KCNU1: variants seen among roughly 807,000 people sequenced by gnomAD.
KCNU1 encodes potassium calcium-activated channel subfamily U member 1, also known as potassium channel subfamily U member 1.
A neutral mutation model predicts 126.8 loss-of-function variants in KCNU1; 93 were observed. The ratio of observed to expected loss-of-function variants is 0.73; its 90% CI spans 0.62 to 0.87. The LOEUF (loss-of-function observed/expected upper bound fraction) is 0.87. Among genes scored for constraint, KCNU1 ranks in the 40% least tolerant of loss-of-function variants. KCNU1 has a pLI of 0.00. For missense variants in KCNU1, 1,330 were observed against 1,367.1 expected, an observed-to-expected ratio of 0.97 and a Z score of 0.43; for synonymous variants, 523 against 494.2, an observed-to-expected ratio of 1.06 and a Z score of -0.77.
Position 36,822,302 on chromosome 8 carries a change from C to T in KCNU1, c.1106+4542C>T, listed in dbSNP as rs867257630. 7.2e-5 allele frequency among the ~76,000 whole-genome samples: 11 copies of T among 151,748 alleles called. No individual in the cohort carries two copies. In the South Asian group the frequency reaches 1.9e-3, roughly 26 times the overall value. On this transcript the variant is annotated intron_variant, in intron 10 of 26. Transcript: ENST00000399881. Reference sequence around the variant, plus strand: ...ATGTTGGAGAATAAGGCCTATCCCACTGCCAGTCTTTCCAGCTAGCTCAGT... The same window carrying T: ...ATGTTGGAGAATAAGGCCTATCCCATTGCCAGTCTTTCCAGCTAGCTCAGT...
At chr8:36,860,421 G>A (rs533337829) in intron 18 of KCNU1, among the ~76,000 whole-genome samples, 1 of 152,030 alleles carries the variant, frequency 6.6e-6, no homozygotes, top group African/African-American at 2.4e-5. Flanking sequence ...CACCAGTAGG[G>A]CTAAGCCTTC....
chr8:36,833,736 A>T (rs531644778), intron 11 of KCNU1, 77 bp downstream of exon 11: 15 of 818,018 alleles, frequency 1.8e-5, no homozygotes, highest in Middle Eastern at 2.3e-4. Context: ...ATTGCTTTTT[A>T]AAAAAGGTAT....
chr8:36,926,657 A>G (rs1210904205), intron 24 of KCNU1, among the ~76,000 whole-genome samples: 2 of 152,156 alleles, frequency 1.3e-5, no homozygotes, highest in Non-Finnish European at 2.9e-5. Context: ...GGGAGGCAGG[A>G]GTCAGTCATT....
intron 18 of KCNU1, among the ~76,000 whole-genome samples, chr8:36,856,569 G>A (rs1805535211): frequency 6.8e-6 from 1 of 146,218 alleles, no homozygotes; most frequent in Non-Finnish European, 1.5e-5. Flanking sequence ...ACAACCATTG[G>A]GCTTATAGTG....
chr8:36,817,598 G>A, intron 9 of KCNU1, 52 bp from the exon 10 acceptor site: 4 of 850,420 alleles, frequency 4.7e-6, no homozygotes, highest in Non-Finnish European at 6.1e-6. Flanking sequence ...ATGCTGACAG[G>A]AAGGTGCTTA....
At position 36,810,394 on chromosome 8, in the gene KCNU1, C is replaced by T. The variant is rs1803668419; in HGVS notation, c.732+1601C>T. Among the ~76,000 whole-genome samples the T allele has an allele frequency of 2.6e-5, 4 of 152,256 alleles. No individual in the cohort carries two copies. In the South Asian group the frequency reaches 8.3e-4, roughly 32 times the overall value. ...CTAAGGATGTGAGCATGTTTCCCTG[C>T]TGGACATCTGGTCTCCCAGGAAAGG... On this transcript the variant is annotated intron_variant, in intron 7 of 26. Coordinates refer to ENST00000399881, the MANE Select transcript of KCNU1 (RefSeq NM_001031836.3).
At chr8:36,891,679 T>A (rs1806968608) in intron 19 of KCNU1, among the ~76,000 whole-genome samples, 1 of 152,138 alleles carries the variant, frequency 6.6e-6, no homozygotes, top group Non-Finnish European at 1.5e-5. Flanking sequence ...TTTTTCTTCA[T>A]CTGAAAATGT....
At chr8:36,822,295 T>C (rs2226312) in intron 10 of KCNU1, among the ~76,000 whole-genome samples, 46,205 of 151,818 alleles carry the variant, frequency 0.3, 8,010 homozygotes, top group African/African-American at 0.45. Flanking sequence ...GAATAAGGCC[T>C]ATCCCACTGC....
chr8:36,792,445 G>A (rs1190649951), intron 2 of KCNU1, among the ~76,000 whole-genome samples: 1 of 152,186 alleles, frequency 6.6e-6, no homozygotes, highest in African/African-American at 2.4e-5. Flanking sequence ...TTCAAATAGG[G>A]ATAGACCCTG....
intron 22 of KCNU1, among the ~76,000 whole-genome samples, chr8:36,917,080 A>G (rs1302186662): frequency 6.6e-6 from 1 of 152,068 alleles, no homozygotes; most frequent in Non-Finnish European, 1.5e-5. Flanking sequence ...GGGCCTTAGC[A>G]CAGAGCTCAA....
intron 19 of KCNU1, among the ~76,000 whole-genome samples, chr8:36,865,941 A>G (rs1482242130): frequency 6.6e-6 from 1 of 152,080 alleles, no homozygotes; most frequent in African/African-American, 2.4e-5. Flanking sequence ...AAAAAGAAAT[A>G]CTGCACGATA....
chr8:36,823,098 A>T (rs1309814546), intron 10 of KCNU1, among the ~76,000 whole-genome samples: 2 of 152,152 alleles, frequency 1.3e-5, no homozygotes, highest in African/African-American at 4.8e-5. Context: ...TAATTCAGCA[A>T]TTGTTAGGGG....
chr8:36,830,469 T>G (rs1804495084), intron 10 of KCNU1, among the ~76,000 whole-genome samples: 1 of 152,198 alleles, frequency 6.6e-6, no homozygotes, highest in East Asian at 1.9e-4. Flanking sequence ...ATAAGTGTTG[T>G]TTTTTAATTT....
intron 18 of KCNU1, among the ~76,000 whole-genome samples, chr8:36,846,549 A>G (rs1187992615): frequency 5.3e-5 from 8 of 152,150 alleles, no homozygotes; most frequent in Non-Finnish European, 1.2e-4. Context: ...CACACCTGTA[A>G]TCCCAGCATT....
chr8:36,900,969 C>T (rs1200881297), intron 19 of KCNU1, among the ~76,000 whole-genome samples: 1 of 151,858 alleles, frequency 6.6e-6, no homozygotes, highest in African/African-American at 2.4e-5. Context: ...AGAAAACTCT[C>T]TTAAGAATTT....
intron 2 of KCNU1, among the ~76,000 whole-genome samples, chr8:36,801,558 AC>A (rs771533441): frequency 7.2e-5 from 11 of 151,740 alleles, no homozygotes; most frequent in Non-Finnish European, 1.0e-4. Flanking sequence ...TTTTACTTGA[AC>A]CTTTTATGGG....
chr8:36,825,650 G>A (rs1360767457), intron 10 of KCNU1, among the ~76,000 whole-genome samples: 3 of 152,102 alleles, frequency 2.0e-5, no homozygotes, highest in African/African-American at 7.2e-5. Context: ...CCTGAATAAT[G>A]TACATTGTAC....
chr8:36,832,672 A>G (rs1479518584), intron 10 of KCNU1, among the ~76,000 whole-genome samples: 1 of 152,048 alleles, frequency 6.6e-6, no homozygotes, highest in East Asian at 1.9e-4. Flanking sequence ...TATTTTTCAA[A>G]GAACTGACTT....
At chr8:36,894,876 C>T (rs1406952404) in intron 19 of KCNU1, among the ~76,000 whole-genome samples, 1 of 151,960 alleles carries the variant, frequency 6.6e-6, no homozygotes, top group Non-Finnish European at 1.5e-5. Flanking sequence ...GACTATAGTC[C>T]TTATTGTGTT....
Sources: gnomAD v4.1 joint callset for allele counts (sites outside exome capture counted in the v4.1 genomes callset) on GRCh38, gnomAD v4.1.1 for gene constraint, MANE v1.5 for transcripts, NCBI Gene and HGNC (gene_info 2026-07-23, HGNC 2026-07-21) for gene names.